The following SOS1 variants were observed in gnomAD, a reference collection of about 807,000 sequenced individuals.
The protein encoded by SOS1 is SOS Ras/Rac guanine nucleotide exchange factor 1.
Under a neutral mutation model 157.6 loss-of-function variants are expected in SOS1, and 25 were observed. That is an observed-to-expected ratio of 0.16 (90% CI 0.12 to 0.22). SOS1 has a LOEUF of 0.22. Among genes scored for constraint, SOS1 ranks in the 10% least tolerant of loss-of-function variants. The probability of loss-of-function intolerance (pLI) is 1.00; values close to 1 mark genes in which losing one functional copy is unlikely to be tolerated. For synonymous variants in SOS1, 528 were observed against 534.0 expected (o/e 0.99, Z 0.16); for missense variants, 1,237 against 1,599.1 (o/e 0.77, Z 3.86).
chr2:39,099,987 G>A (rs559213147), intron 1 of SOS1, among the ~76,000 whole-genome samples: 10 of 152,302 alleles, frequency 6.6e-5, no homozygotes, highest in Non-Finnish European at 1.0e-4. Context: ...AAAGTGCTGG[G>A]ATTACAGGCA....
At chr2:38,991,428 G>T (rs553299535) in intron 20 of SOS1, among the ~76,000 whole-genome samples, 2 of 152,240 alleles carry the variant, frequency 1.3e-5, no homozygotes, top group South Asian at 4.1e-4. Flanking sequence ...TCAGACCTCT[G>T]ACTCCCTTTT....
At chr2:39,001,125 C>A (rs930507762) in intron 17 of SOS1, among the ~76,000 whole-genome samples, 9 of 152,220 alleles carry the variant, frequency 5.9e-5, no homozygotes, top group Non-Finnish European at 1.2e-4. Context: ...GTGGTGCGAT[C>A]TTGGCTTACT....
At chr2:39,039,744 A>T (rs760877694) in intron 6 of SOS1, among the ~76,000 whole-genome samples, 88 of 152,330 alleles carry the variant, frequency 5.8e-4, no homozygotes, top group Middle Eastern at 6.8e-3. Flanking sequence ...GAATTGTGCA[A>T]CTACCATCAT....
intron 1 of SOS1, among the ~76,000 whole-genome samples, chr2:39,082,077 A>G (rs1157916594): frequency 6.6e-6 from 1 of 152,164 alleles, no homozygotes; most frequent in Non-Finnish European, 1.5e-5. Context: ...ACTTTCAGTT[A>G]TTTAAAAATG....
rs1671636391 is a variant in SOS1 at position 39,067,650 on chromosome 2, G to A, written c.191C>T (p.Pro64Leu). Residue 64 changes from proline to leucine, a missense_variant, in exon 2 of 23, where the codon CCC becomes CTC. Physicochemically the swap from Pro to Leu is moderately conservative, Grantham distance 98. This residue lies in a region of SOS1 where 99 missense variants were observed against 81.6 expected (regional missense o/e 1.21). Transcript: ENST00000402219. ...TACCTCTACATCTGAAGCACTTCGGGGCTGAGCTTGGCATAGCATATTTAA... is the reference window on the plus strand; with the variant it reads ...TACCTCTACATCTGAAGCACTTCGGAGCTGAGCTTGGCATAGCATATTTAA... ...QLLNMLCQAQ[P>L]RSASDVEERV... 1.2e-6 allele frequency: 2 copies of A among 1,613,110 alleles called. No individual in the cohort carries two copies. The highest frequency in any genetic ancestry group is 1.7e-6 in the Non-Finnish European group (2 of 1,179,208).
intron 6 of SOS1, among the ~76,000 whole-genome samples, chr2:39,042,143 G>C (rs1350388712): frequency 6.6e-6 from 1 of 152,260 alleles, no homozygotes; most frequent in South Asian, 2.1e-4. Flanking sequence ...TATGTGGCAA[G>C]ACTTTATCTA....
intron 2 of SOS1, among the ~76,000 whole-genome samples, chr2:39,065,244 G>C (rs1411687951): frequency 6.6e-6 from 1 of 152,128 alleles, no homozygotes; most frequent in African/African-American, 2.4e-5. Flanking sequence ...CCCGATAAAA[G>C]AATGTAAGAC....
At chr2:39,023,412 C>T (rs1260749074) in intron 9 of SOS1, among the ~76,000 whole-genome samples, 187 bp from the exon 10 acceptor site, 1 of 151,856 alleles carries the variant, frequency 6.6e-6, no homozygotes, top group Non-Finnish European at 1.5e-5. Flanking sequence ...AAATTTTTTT[C>T]AGTGTTCTAA....
chr2:39,024,569 A>G (rs1224912060), intron 8 of SOS1, among the ~76,000 whole-genome samples: 1 of 152,086 alleles, frequency 6.6e-6, no homozygotes, highest in Non-Finnish European at 1.5e-5. Context: ...TAAGGAAGAT[A>G]AATATACAGA....
At chr2:39,039,533 TGAGA>T (rs1670483342) in intron 6 of SOS1, among the ~76,000 whole-genome samples, 2 of 152,238 alleles carry the variant, frequency 1.3e-5, no homozygotes, top group South Asian at 4.1e-4. Flanking sequence ...CTAGTAAGGT[TGAGA>T]ATCTACTTAT....
intron 1 of SOS1, among the ~76,000 whole-genome samples, chr2:39,107,346 T>C (rs1673232063): frequency 6.6e-6 from 1 of 152,192 alleles, no homozygotes; most frequent in Non-Finnish European, 1.5e-5. Flanking sequence ...ATGGCAGGCC[T>C]GTTCCCGGGA....
rs371295853 is a variant in SOS1 at position 39,022,756 on chromosome 2, T to C, written c.1672A>G (p.Met558Val). ...TGCTCCTCTTTCTCTTCCTGTAGCA[T>C]TGTTACATCAAGCATCCTTTCCAGT... ...STLERMLDVT[M>V]LQEEKEEQMR... The change falls in exon 10 of 23, where the codon ATG becomes GTG. Residue 558 changes from methionine (M) to valine (V), a missense_variant. Met to Val is a conservative substitution (Grantham distance 21). Around this residue, in one of 15 missense-constraint regions of SOS1, gnomAD observed 210 missense variants for 220.2 expected, o/e 0.95. Transcript: ENST00000402219. The C allele has an allele frequency of 4.3e-6, 7 of 1,613,636 alleles. No homozygotes were observed. Among genetic ancestry groups the C allele is most frequent in the African/African-American group, 4.0e-5 (3 of 74,906 alleles).
intron 10 of SOS1, among the ~76,000 whole-genome samples, chr2:39,019,978 C>A (rs1187054766): frequency 6.6e-6 from 1 of 151,590 alleles, no homozygotes; most frequent in Non-Finnish European, 1.5e-5. Context: ...GATCCTTTTA[C>A]TTAATTATTA....
chr2:39,076,133 G>T (rs1671988502), intron 1 of SOS1, among the ~76,000 whole-genome samples: 1 of 152,138 alleles, frequency 6.6e-6, no homozygotes, highest in South Asian at 2.1e-4. Flanking sequence ...AACTTGGCCG[G>T]GTGTGATGGC....
rs1340470628 is a variant in SOS1, at chr2:39,035,399, A to C, written c.966T>G (p.Leu322=). The change falls in exon 7 of 23, where the codon CTT becomes CTG. Residue 322 remains leucine (L), a synonymous_variant. Coordinates refer to ENST00000402219, the MANE Select transcript of SOS1 (RefSeq NM_005633.4). ...TTAAAAATTACTATACCTGCAAATA[A>C]AGTGCTGCCCCAGGCTTTGATAACT... ...LSQLSKPGAA[L]YLQSIGEGFK... 1 of 1,612,416 alleles carries C rather than the reference A, an allele frequency of 6.2e-7. No individual in the cohort carries two copies. Among genetic ancestry groups the C allele is most frequent in the African/African-American group, 1.3e-5 (1 of 74,874 alleles).
intron 1 of SOS1, among the ~76,000 whole-genome samples, chr2:39,117,691 G>A (rs1404435511): frequency 3.9e-5 from 6 of 152,160 alleles, no homozygotes; most frequent in Non-Finnish European, 7.4e-5. Context: ...AGAAGGTGAG[G>A]TGGGGGCCAG....
intron 17 of SOS1, among the ~76,000 whole-genome samples, chr2:38,999,120 A>G (rs1350864310): frequency 6.6e-6 from 1 of 152,238 alleles, no homozygotes; most frequent in Non-Finnish European, 1.5e-5. Context: ...TAATGCTTAG[A>G]ATAAGTCCCA....
intron 2 of SOS1, among the ~76,000 whole-genome samples, 156 bp from the exon 3 acceptor site, chr2:39,058,960 A>G (rs1671308582): frequency 6.6e-6 from 1 of 152,142 alleles, no homozygotes; most frequent in African/African-American, 2.4e-5. Flanking sequence ...GAAAACAGTA[A>G]TTGTCAATGT....
chr2:39,048,388 A>G (rs192373627), intron 6 of SOS1, among the ~76,000 whole-genome samples: 3 of 151,974 alleles, frequency 2.0e-5, no homozygotes, highest in African/African-American at 2.4e-5. Context: ...TTGTCTTAAC[A>G]GCTTTTAAGA....
Sources: gnomAD v4.1 joint callset for allele counts (sites outside exome capture counted in the v4.1 genomes callset) on GRCh38, gnomAD v4.1.1 for gene constraint, gnomAD v4.1.1 regional missense constraint, MANE v1.5 for transcripts, NCBI Gene and HGNC (gene_info 2026-07-23, HGNC 2026-07-21) for gene names.